Variants in AMMECR1 observed in about 807,000 individuals in gnomAD.
The protein encoded by AMMECR1 is AMMECR nuclear protein 1, also known as nuclear protein AMMECR1.
A neutral mutation model predicts 22.5 loss-of-function variants in AMMECR1; 3 were observed. The ratio of observed to expected loss-of-function variants is 0.13; its 90% CI spans 0.06 to 0.35. The LOEUF is 0.35. AMMECR1 is among the 10% of genes least tolerant of loss of function. AMMECR1 has a pLI of 1.00. For synonymous variants in AMMECR1, 130 were observed against 116.7 expected (o/e 1.11, Z -0.74); for missense variants, 235 against 278.7 (o/e 0.84, Z 1.12).
intron 4 of AMMECR1, among the ~76,000 whole-genome samples, chrX:110,201,523 C>T (rs1238596267): frequency 9.0e-6 from 1 of 111,615 alleles, no homozygotes; most frequent in Non-Finnish European, 1.9e-5. Context: ...GTGCAGTATT[C>T]AAGGGTATTT....
chrX:110,313,756 C>T (rs1261102009), intron 1 of AMMECR1, among the ~76,000 whole-genome samples: 1 of 111,609 alleles, frequency 9.0e-6, no homozygotes, highest in Non-Finnish European at 1.9e-5. Flanking sequence ...TCAACTAAAA[C>T]CATCCCAAGA....
intron 2 of AMMECR1, among the ~76,000 whole-genome samples, chrX:110,255,954 G>A (rs921644717): frequency 1.1e-4 from 12 of 112,014 alleles, no homozygotes; most frequent in Non-Finnish European, 2.3e-4. Context: ...ATACTGAAAA[G>A]TACACTGCAT....
intron 1 of AMMECR1, among the ~76,000 whole-genome samples, chrX:110,268,376 T>A (rs1410561068): frequency 8.9e-6 from 1 of 112,115 alleles, no homozygotes; most frequent in Non-Finnish European, 1.9e-5. Context: ...AACAAAACTA[T>A]TCATTAAAAA....
intron 2 of AMMECR1, among the ~76,000 whole-genome samples, chrX:110,240,142 G>A (rs2067623243): frequency 9.0e-6 from 1 of 110,609 alleles, no homozygotes; most frequent in Non-Finnish European, 1.9e-5. Flanking sequence ...TGAAGAAACT[G>A]CAACAACTAA....
chrX:110,357,838 A>AT (rs944334188), intron 2 of AMMECR1, among the ~76,000 whole-genome samples: 4 of 111,094 alleles, frequency 3.6e-5, no homozygotes, highest in Admixed American at 9.6e-5. Context: ...CCCTTCTTGG[A>AT]TTTTTTCTCA....
intron 2 of AMMECR1, among the ~76,000 whole-genome samples, chrX:110,413,648 C>T (rs1212370326): frequency 9.2e-6 from 1 of 109,094 alleles, no homozygotes; most frequent in African/African-American, 3.4e-5. Context: ...CTCATCCTAG[C>T]CTTACCATGC....
intron 2 of AMMECR1, among the ~76,000 whole-genome samples, chrX:110,399,120 T>C (rs1448417225): frequency 2.7e-5 from 3 of 112,214 alleles, no homozygotes; most frequent in African/African-American, 6.5e-5. Context: ...TGGTTTACAA[T>C]GGACTCACAA....
At chrX:110,353,656 C>T (rs930075000) in intron 2 of AMMECR1, among the ~76,000 whole-genome samples, 1 of 111,651 alleles carries the variant, frequency 9.0e-6, no homozygotes, top group Non-Finnish European at 1.9e-5. Context: ...TTTCTACTTC[C>T]ATGCCAATGT....
intron 2 of AMMECR1, among the ~76,000 whole-genome samples, chrX:110,222,452 C>T (rs1389567342): frequency 1.6e-5 from 1 of 63,453 alleles, no homozygotes; most frequent in African/African-American, 6.2e-5. Context: ...GTTGTGGGGT[C>T]GGGGGAGGGG....
At chrX:110,342,724 G>A (rs936161874) in intron 2 of AMMECR1, among the ~76,000 whole-genome samples, 4 of 111,921 alleles carry the variant, frequency 3.6e-5, no homozygotes, top group South Asian at 3.8e-4. Context: ...ATGAGATAAT[G>A]ACTTGGTTTA....
chrX:110,240,335 T>C (rs1267679516), intron 2 of AMMECR1, among the ~76,000 whole-genome samples: 1 of 83,184 alleles, frequency 1.2e-5, no homozygotes, highest in Non-Finnish European at 2.2e-5. Flanking sequence ...AAGACACACA[T>C]GGGCTCAAAT....
At chrX:110,334,557 A>T (rs1047362280) in intron 2 of AMMECR1, among the ~76,000 whole-genome samples, 2 of 112,078 alleles carry the variant, frequency 1.8e-5, no homozygotes, top group Non-Finnish European at 3.8e-5. Flanking sequence ...GCACAAATAT[A>T]TTTATTATCT....
intron 2 of AMMECR1, among the ~76,000 whole-genome samples, chrX:110,390,092 G>A (rs2068484647): frequency 9.0e-6 from 1 of 111,296 alleles, no homozygotes; most frequent in African/African-American, 3.3e-5. Context: ...AGTTGTATGT[G>A]GGAGGATGCC....
intron 2 of AMMECR1, among the ~76,000 whole-genome samples, chrX:110,375,837 GT>G (rs1188618793): frequency 8.9e-6 from 1 of 112,101 alleles, no homozygotes; most frequent in Non-Finnish European, 1.9e-5. Context: ...GACATTTTGA[GT>G]GAGGTAAATA....
At chrX:110,340,321 AT>A (rs2068159618) in intron 2 of AMMECR1, among the ~76,000 whole-genome samples, 1 of 112,231 alleles carries the variant, frequency 8.9e-6, no homozygotes, top group African/African-American at 3.2e-5. Context: ...TATTTCAAAC[AT>A]AAGGAAAAAA....
intron 1 of AMMECR1, among the ~76,000 whole-genome samples, chrX:110,307,853 C>CT (rs1158202877): frequency 5.5e-5 from 5 of 90,951 alleles, no homozygotes; most frequent in South Asian, 5.5e-4. Flanking sequence ...CTGCTAGAAA[C>CT]TTTTTTTTTT....
intron 1 of AMMECR1, among the ~76,000 whole-genome samples, chrX:110,271,309 A>C (rs1284903126): frequency 8.9e-6 from 1 of 112,694 alleles, no homozygotes; most frequent in Non-Finnish European, 1.9e-5. Flanking sequence ...TGGTGTTCCA[A>C]GAAATTCTAT....
At chrX:110,325,251 G>T (rs966889302) in intron 2 of AMMECR1, among the ~76,000 whole-genome samples, 1 of 111,969 alleles carries the variant, frequency 8.9e-6, no homozygotes, top group Non-Finnish European at 1.9e-5. Context: ...ATCTCATCAG[G>T]AAAATGGGAT....
chrX:110,322,520 T>C (rs1450193147), upstream of AMMECR1, among the ~76,000 whole-genome samples: 1 of 112,209 alleles, frequency 8.9e-6, no homozygotes, highest in Non-Finnish European at 1.9e-5. Flanking sequence ...TATAAAAATA[T>C]AGCTGTTTAA....
Sources: gnomAD v4.1 joint callset for allele counts (sites outside exome capture counted in the v4.1 genomes callset) on GRCh38, gnomAD v4.1.1 for gene constraint, MANE v1.5 for transcripts, NCBI Gene and HGNC (gene_info 2026-07-23, HGNC 2026-07-21) for gene names.